XPO7: variants seen among roughly 807,000 people sequenced by gnomAD.
XPO7 encodes exportin 7.
A neutral mutation model predicts 144.3 loss-of-function variants in XPO7; 21 were observed. The observed-to-expected ratio is 0.15, with a 90% CI of 0.10 to 0.21. XPO7 has a LOEUF of 0.21. XPO7 is among the 10% of genes least tolerant of loss of function. The pLI is 1.00. For synonymous variants in XPO7, 580 were observed against 499.6 expected (o/e 1.16, Z -2.15); for missense variants, 808 against 1,325.8 (o/e 0.61, Z 6.06).
chr8:21,952,747 C>T (rs564386009), intron 1 of XPO7, among the ~76,000 whole-genome samples: 5 of 152,294 alleles, frequency 3.3e-5, no homozygotes, highest in African/African-American at 7.2e-5. Context: ...GTGTTTTCAG[C>T]TAGAGAATTG....
intron 1 of XPO7, 23 bp downstream of exon 1, chr8:21,919,811 G>C: frequency 2.2e-6 from 1 of 461,016 alleles, no homozygotes; most frequent in Non-Finnish European, 3.4e-6. Context: ...GCGGGGGGGA[G>C]GGGGCGACCA....
intron 14 of XPO7, 24 bp downstream of exon 14, chr8:21,987,300 C>T (rs1221848314): frequency 6.2e-7 from 1 of 1,613,442 alleles, no homozygotes. Context: ...AATTGGCTCC[C>T]CTTAGTTCTC....
intron 21 of XPO7, among the ~76,000 whole-genome samples, chr8:21,996,842 CTT>C (rs1355084674): frequency 1.3e-5 from 2 of 152,032 alleles, no homozygotes; most frequent in African/African-American, 2.4e-5. Context: ...GAGTTTCTCT[CTT>C]GTCGCCAGGC....
chr8:21,963,310 T>C (rs1391031478), intron 1 of XPO7, among the ~76,000 whole-genome samples: 1 of 152,194 alleles, frequency 6.6e-6, no homozygotes, highest in Non-Finnish European at 1.5e-5. Context: ...TACTCAATAT[T>C]ATTGGGAGTG....
chr8:21,949,673 G>A (rs1437746875), intron 1 of XPO7, among the ~76,000 whole-genome samples: 7 of 152,278 alleles, frequency 4.6e-5, no homozygotes, highest in African/African-American at 1.7e-4. Flanking sequence ...GGCAGCCACT[G>A]CCCTCTGCCA....
chr8:21,994,869 C>T (rs750893896), intron 20 of XPO7, among the ~76,000 whole-genome samples: 2 of 151,832 alleles, frequency 1.3e-5, no homozygotes, highest in African/African-American at 2.4e-5. Context: ...CTGGCTAACA[C>T]GGTGAAACCC....
At chr8:21,945,598 C>T (rs1359256639) in intron 1 of XPO7, among the ~76,000 whole-genome samples, 1 of 152,166 alleles carries the variant, frequency 6.6e-6, no homozygotes, top group Non-Finnish European at 1.5e-5. Flanking sequence ...TACTGTACAA[C>T]ACCCCAAAAT....
chr8:21,993,915 GTCTCTCTC>G (rs146886015), intron 19 of XPO7, among the ~76,000 whole-genome samples: 3 of 141,040 alleles, frequency 2.1e-5, no homozygotes, highest in Admixed American at 7.2e-5. Flanking sequence ...TCTTTGCCGT[GTCTCTCTC>G]TCTCTCTCTC....
chr8:21,923,369 G>A (rs1810354551), intron 1 of XPO7, among the ~76,000 whole-genome samples: 1 of 152,166 alleles, frequency 6.6e-6, no homozygotes, highest in South Asian at 2.1e-4. Context: ...TGGGTGATAA[G>A]CAATAACTAT....
chr8:21,934,119 C>G (rs1430736118), intron 1 of XPO7, among the ~76,000 whole-genome samples: 1 of 152,090 alleles, frequency 6.6e-6, no homozygotes, highest in African/African-American at 2.4e-5. Context: ...TCCTTGCTTT[C>G]GTAGTTCTTA....
At chr8:21,934,904 G>A (rs1810773017) in intron 1 of XPO7, among the ~76,000 whole-genome samples, 1 of 152,190 alleles carries the variant, frequency 6.6e-6, no homozygotes, top group Admixed American at 6.5e-5. Flanking sequence ...ACTCACGCAA[G>A]GTGGATTGTA....
At chr8:21,995,274 T>C (rs1812908638) in intron 20 of XPO7, among the ~76,000 whole-genome samples, 1 of 152,156 alleles carries the variant, frequency 6.6e-6, no homozygotes, top group South Asian at 2.1e-4. Flanking sequence ...AAAGGCCCTA[T>C]GTAAACTAAA....
rs192348323 is a variant in XPO7 at position 21,990,517 on chromosome 8, A to G, written c.1932+110A>G. On this transcript the variant is annotated intron_variant, in intron 17 of 27. Coordinates refer to ENST00000252512, the MANE Select transcript of XPO7 (RefSeq NM_015024.5). ...GGTCCCGGGTATTGCTACAGCAAAG[A>G]CGGTGGTCCTGATTCCCACGATACT... is the stretch of plus-strand genomic sequence containing the variant. The G allele has an allele frequency of 1.1e-4, 135 of 1,265,238 alleles. 1 individual carries two copies. The East Asian group carries it at 3.1e-3, about 29-fold the overall frequency. The allele number at this position is 1,265,238 out of a possible 1,614,324, so 78.4% of individuals were successfully genotyped here. A position where few individuals can be genotyped will look rare whatever the true frequency, so the allele number is the denominator to read the frequency against.
Position 21,987,672 on chromosome 8 carries a change from G to T in XPO7, c.1714-112G>T. 3.4e-6 allele frequency: 4 copies of T among 1,191,912 alleles called. No homozygotes were observed. In the East Asian group the frequency reaches 7.4e-5, roughly 22 times the overall value. The allele number at this position is 1,191,912 out of a possible 1,614,324, so 73.8% of individuals were successfully genotyped here. A position where few individuals can be genotyped will look rare whatever the true frequency, so the allele number is the denominator to read the frequency against. On this transcript the variant is annotated intron_variant, in intron 14 of 27. Coordinates refer to ENST00000252512, the MANE Select transcript of XPO7 (RefSeq NM_015024.5). ...TATCCCTTCAGTAAAGTCCTCTCTGGGATTCTTGTCCATTTTCTTCCACAT... is the reference window on the plus strand; with the variant it reads ...TATCCCTTCAGTAAAGTCCTCTCTGTGATTCTTGTCCATTTTCTTCCACAT...
intron 1 of XPO7, among the ~76,000 whole-genome samples, chr8:21,942,463 T>A (rs549983554): frequency 2.0e-5 from 3 of 152,240 alleles, no homozygotes; most frequent in African/African-American, 7.2e-5. Context: ...TTATAATTTT[T>A]TGTGAATTTC....
chr8:21,970,369 A>AACACACAC lies in XPO7; in HGVS notation c.426+75_426+82dup, dbSNP rs140784168. ...GAGAACCAGCATATACATATATATA[A>AACACACAC]ACACACACACACACACACACACAAC... On this transcript the variant is annotated intron_variant, in intron 4 of 27. Coordinates refer to ENST00000252512, the MANE Select transcript of XPO7 (RefSeq NM_015024.5). 3.3e-3 allele frequency: 3,710 copies of AACACACAC among 1,135,944 alleles called. 8 individuals carry two copies. The highest frequency in any genetic ancestry group is 4.0e-3 in the Non-Finnish European group (3,216 of 802,672). 70.4% of individuals were successfully genotyped at this position (1,135,944 alleles called of 1,614,324 possible). A position where few individuals can be genotyped will look rare whatever the true frequency, so the allele number is the denominator to read the frequency against.
At position 21,991,886 on chromosome 8, in the gene XPO7, A is replaced by G. The variant is rs760065594; in HGVS notation, c.2060A>G (p.Tyr687Cys). 5.6e-6 allele frequency: 9 copies of G among 1,612,830 alleles called. No individual in the cohort carries two copies. The highest frequency in any genetic ancestry group is 4.4e-5 in the South Asian group (4 of 90,808). Residue 687 changes from tyrosine (Y) to cysteine (C), a missense_variant, in exon 19 of 28, where the codon TAT becomes TGT. Physicochemically the swap from Tyr to Cys is radical, Grantham distance 194. Coordinates refer to ENST00000252512, the MANE Select transcript of XPO7 (RefSeq NM_015024.5). The stretch of plus-strand genomic sequence containing the variant: ...TTTACAGGAGAGGATGAAGATCAGT[A>G]TGAGCAGTTCATGCTGCCACTCACA... ...MVDLGEDEDQYEQFMLPLTAA... is the reference protein window; with the variant it reads ...MVDLGEDEDQCEQFMLPLTAA...
At chr8:21,942,300 A>G (rs184903408) in intron 1 of XPO7, among the ~76,000 whole-genome samples, 1 of 152,336 alleles carries the variant, frequency 6.6e-6, no homozygotes, top group Non-Finnish European at 1.5e-5. Flanking sequence ...AAGAGCTTTT[A>G]TGTGGCTTAC....
intron 13 of XPO7, among the ~76,000 whole-genome samples, chr8:21,986,833 T>C (rs1469510891): frequency 6.6e-6 from 1 of 152,174 alleles, no homozygotes. Context: ...TCGCATTCAC[T>C]CACTTGCATT....
Sources: allele counts gnomAD v4.1 joint callset (sites outside exome capture counted in the v4.1 genomes callset), GRCh38; gene constraint gnomAD v4.1.1; transcripts MANE v1.5; gene names NCBI Gene and HGNC (gene_info 2026-07-23, HGNC 2026-07-21).